The following SYN3 variants were observed in gnomAD, a reference collection of about 807,000 sequenced individuals.
The protein encoded by SYN3 is synapsin-3.
SYN3 carries 35 observed loss-of-function variants against 65.8 expected under a neutral mutation model. That is an observed-to-expected ratio of 0.53 (90% CI 0.41 to 0.70). SYN3 has a LOEUF of 0.70. SYN3 is among the 30% of genes least tolerant of loss of function. The pLI is 0.00. For missense variants in SYN3, 680 were observed against 749.0 expected (o/e 0.91, Z 1.08); for synonymous variants, 270 against 292.9 (o/e 0.92, Z 0.80).
chr22:32,667,836 C>T (rs1392944911), intron 6 of SYN3, among the ~76,000 whole-genome samples: 242 of 132,912 alleles, frequency 1.8e-3, no homozygotes, highest in Non-Finnish European at 3.0e-3. Flanking sequence ...GTCGCTCTGT[C>T]GCCCAGGCTG....
intron 4 of SYN3, among the ~76,000 whole-genome samples, chr22:32,911,808 G>C (rs1322789486): frequency 6.6e-6 from 1 of 152,154 alleles, no homozygotes; most frequent in Non-Finnish European, 1.5e-5. Flanking sequence ...GAAATGGGCA[G>C]CCACCAGCCC....
chr22:33,029,585 C>T (rs1363349747), intron 1 of SYN3, among the ~76,000 whole-genome samples: 2 of 152,186 alleles, frequency 1.3e-5, no homozygotes, highest in African/African-American at 4.8e-5. Context: ...ATCCTCCCTC[C>T]AGCCTTAGGA....
intron 7 of SYN3, among the ~76,000 whole-genome samples, chr22:32,546,506 G>A (rs1242973971): frequency 2.0e-5 from 3 of 152,138 alleles, no homozygotes; most frequent in African/African-American, 7.2e-5. Context: ...AAGAATTCCA[G>A]GATTCTGGCG....
At chr22:32,520,422 C>T (rs1024566701) in intron 12 of SYN3, among the ~76,000 whole-genome samples, 5 of 152,034 alleles carry the variant, frequency 3.3e-5, no homozygotes, top group African/African-American at 1.2e-4. Flanking sequence ...CAGGTGTGAG[C>T]CACTGTGCTT....
At chr22:32,826,685 G>A (rs2047424195) in intron 6 of SYN3, among the ~76,000 whole-genome samples, 2 of 152,250 alleles carry the variant, frequency 1.3e-5, no homozygotes, top group South Asian at 4.1e-4. Flanking sequence ...TGGCATCTTA[G>A]TTAGCCTATT....
At chr22:32,669,895 A>T (rs1449706970) in intron 6 of SYN3, among the ~76,000 whole-genome samples, 1 of 152,130 alleles carries the variant, frequency 6.6e-6, no homozygotes, top group Non-Finnish European at 1.5e-5. Context: ...TAGGGCAGCC[A>T]TCTTGGGCCA....
intron 6 of SYN3, chr22:32,864,685 G>T (rs2048640621): frequency 2.6e-6 from 1 of 383,484 alleles, no homozygotes; most frequent in East Asian, 4.1e-5. Flanking sequence ...CAAGTTCCAA[G>T]GAATGTGGTT....
Position 32,522,469 on chromosome 22 carries a change from G to A in SYN3, c.1319-4135C>T, listed in dbSNP as rs150610921. Among the ~76,000 whole-genome samples the A allele has an allele frequency of 3.5e-4, 53 of 152,288 alleles. 1 individual carries two copies. In the East Asian group the frequency reaches 9.5e-3, roughly 27 times the overall value. ...TTAAAAAGCAGGTCCCAGGGCAGAGGGGAAAGGAGGGTGTGGGGCAGAGGC... is the reference window on the plus strand; with the variant it reads ...TTAAAAAGCAGGTCCCAGGGCAGAGAGGAAAGGAGGGTGTGGGGCAGAGGC... On this transcript the variant is annotated intron_variant, in intron 12 of 13. Coordinates refer to ENST00000358763, the MANE Select transcript of SYN3 (RefSeq NM_003490.4).
At chr22:32,774,248 G>T (rs888283033) in intron 6 of SYN3, among the ~76,000 whole-genome samples, 1 of 152,160 alleles carries the variant, frequency 6.6e-6, no homozygotes, top group Non-Finnish European at 1.5e-5. Context: ...TGGAAATAGG[G>T]TCTTTGCAAA....
intron 7 of SYN3, among the ~76,000 whole-genome samples, chr22:32,552,427 T>C (rs1217532955): frequency 4.0e-5 from 6 of 151,514 alleles, no homozygotes; most frequent in Non-Finnish European, 8.8e-5. Context: ...TTTCTTTTTT[T>C]TTTCTTTTTT....
At chr22:32,711,912 T>C (rs2060971504) in intron 6 of SYN3, among the ~76,000 whole-genome samples, 1 of 152,222 alleles carries the variant, frequency 6.6e-6, no homozygotes, top group Non-Finnish European at 1.5e-5. Context: ...GCTGGATGGT[T>C]TGATCAGGTG....
At chr22:32,877,788 C>T (rs1346646214) in intron 4 of SYN3, among the ~76,000 whole-genome samples, 1 of 152,122 alleles carries the variant, frequency 6.6e-6, no homozygotes, top group Non-Finnish European at 1.5e-5. Context: ...TCCCTAACTA[C>T]AGCTCTTCTC....
At chr22:32,567,332 C>A (rs1463018503) in intron 7 of SYN3, among the ~76,000 whole-genome samples, 1 of 121,200 alleles carries the variant, frequency 8.3e-6, no homozygotes, top group Non-Finnish European at 1.7e-5. Context: ...CTCCCTCCCT[C>A]CCTCCCTCCC....
At chr22:32,764,632 C>G (rs1175990879) in intron 6 of SYN3, among the ~76,000 whole-genome samples, 1 of 152,186 alleles carries the variant, frequency 6.6e-6, no homozygotes, top group African/African-American at 2.4e-5. Context: ...TTTACATAAT[C>G]TCCCGCTAAT....
rs1224488962 is a variant in SYN3 at position 32,609,475 on chromosome 22, TG to T, written c.712-12740del. Among the ~76,000 whole-genome samples the T allele has an allele frequency of 3.2e-4, 45 of 138,626 alleles. 1 individual carries two copies. The highest frequency in any genetic ancestry group is 1.1e-3 in the African/African-American group (41 of 37,088). 90.9% of individuals were successfully genotyped at this position (138,626 alleles called of 152,430 possible). ...ACTCTAGTGATGACATCCTGCCTGG[TG>T]TTTTTTTTTTTTTTTTAAGAGACAG... On this transcript the variant is annotated intron_variant, in intron 6 of 13. Coordinates refer to ENST00000358763, the MANE Select transcript of SYN3 (RefSeq NM_003490.4).
chr22:32,588,183 G>T (rs1271521404), intron 7 of SYN3, among the ~76,000 whole-genome samples: 1 of 152,172 alleles, frequency 6.6e-6, no homozygotes, highest in Non-Finnish European at 1.5e-5. Context: ...GGGGCTGAAC[G>T]ATTTCAAAGG....
intron 4 of SYN3, among the ~76,000 whole-genome samples, chr22:32,919,772 T>C (rs1352386999): frequency 6.6e-6 from 1 of 152,234 alleles, no homozygotes; most frequent in African/African-American, 2.4e-5. Flanking sequence ...AGGATAGAGA[T>C]TCAGGAGTCA....
At chr22:32,930,272 G>C (rs540890310) in intron 4 of SYN3, among the ~76,000 whole-genome samples, 5 of 152,250 alleles carry the variant, frequency 3.3e-5, no homozygotes, top group African/African-American at 1.2e-4. Context: ...TCTCGTGTTA[G>C]TGAGTAAGTC....
At chr22:32,577,419 C>G (rs906709284) in intron 7 of SYN3, among the ~76,000 whole-genome samples, 1 of 152,192 alleles carries the variant, frequency 6.6e-6, no homozygotes, top group African/African-American at 2.4e-5. Flanking sequence ...GGCTAGATTC[C>G]TGCTAGAAAG....
Sources: allele counts gnomAD v4.1 joint callset (sites outside exome capture counted in the v4.1 genomes callset), GRCh38; gene constraint gnomAD v4.1.1; transcripts MANE v1.5; gene names NCBI Gene and HGNC (gene_info 2026-07-23, HGNC 2026-07-21).